SCHIP1: variants seen among roughly 807,000 people sequenced by gnomAD.
The protein encoded by SCHIP1 is schwannomin interacting protein 1.
SCHIP1 carries 8 observed loss-of-function variants against 29.7 expected under a neutral mutation model. That is an observed-to-expected ratio of 0.27 (90% CI 0.16 to 0.49). The LOEUF is 0.49. Among genes scored for constraint, SCHIP1 ranks in the 20% least tolerant of loss-of-function variants. SCHIP1 has a pLI of 0.99. For missense variants in SCHIP1, 193 were observed against 294.6 expected (o/e 0.66, Z 2.52); for synonymous variants, 76 against 94.9 (o/e 0.80, Z 1.16).
At chr3:159,778,641 C>T in the SCHIP1 span, among the ~76,000 whole-genome samples, 1 of 152,214 alleles carries the variant, frequency 6.6e-6, no homozygotes, top group Non-Finnish European at 1.5e-5. Context: ...CCACATTCTA[C>T]ACTGCCCCTC....
At chr3:159,723,664 C>T in the SCHIP1 span, among the ~76,000 whole-genome samples, 1 of 152,158 alleles carries the variant, frequency 6.6e-6, no homozygotes, top group Non-Finnish European at 1.5e-5. Flanking sequence ...CCATATAGTA[C>T]CTGGAAGAAG....
At chr3:159,506,708 A>G in the SCHIP1 span, among the ~76,000 whole-genome samples, 1 of 152,166 alleles carries the variant, frequency 6.6e-6, no homozygotes, top group Non-Finnish European at 1.5e-5. Flanking sequence ...TCCCAGCACC[A>G]TTTGTTGAAT....
intron 1 of SCHIP1, chr3:159,845,512 C>G (rs979079899): frequency 1.3e-5 from 2 of 151,974 alleles, no homozygotes; most frequent in Admixed American, 6.6e-5. Context: ...TCCTGAGTAG[C>G]TGAGATTACA....
At chr3:159,530,514 C>T in the SCHIP1 span, among the ~76,000 whole-genome samples, 1 of 152,166 alleles carries the variant, frequency 6.6e-6, no homozygotes, top group Non-Finnish European at 1.5e-5. Context: ...ATAATTTCTT[C>T]CACTAGCAGC....
At chr3:159,596,036 T>G in the SCHIP1 span, among the ~76,000 whole-genome samples, 1 of 152,122 alleles carries the variant, frequency 6.6e-6, no homozygotes, top group Non-Finnish European at 1.5e-5. Flanking sequence ...TGGGAGAAAT[T>G]TTTTACAATC....
the SCHIP1 span, among the ~76,000 whole-genome samples, chr3:159,635,492 G>T: frequency 2.0e-5 from 3 of 152,158 alleles, no homozygotes; most frequent in Non-Finnish European, 4.4e-5. Context: ...TTCCCATCCT[G>T]CCTGTAATAT....
chr3:159,468,428 A>G, the SCHIP1 span, among the ~76,000 whole-genome samples: 2 of 152,058 alleles, frequency 1.3e-5, no homozygotes, highest in Non-Finnish European at 2.9e-5. Context: ...CCAAAATCCT[A>G]TATGACATGC....
chr3:159,296,106 C>T, the SCHIP1 span, among the ~76,000 whole-genome samples: 7 of 150,028 alleles, frequency 4.7e-5, no homozygotes, highest in African/African-American at 1.2e-4. Context: ...GGAAAACAAC[C>T]GAAATTTGAG....
At chr3:159,698,336 A>G in the SCHIP1 span, among the ~76,000 whole-genome samples, 1 of 152,242 alleles carries the variant, frequency 6.6e-6, no homozygotes, top group African/African-American at 2.4e-5. Context: ...TCCCCTCTTG[A>G]ATAAATTTTT....
the SCHIP1 span, among the ~76,000 whole-genome samples, chr3:159,778,284 C>T: frequency 1.1e-4 from 16 of 152,118 alleles, no homozygotes; most frequent in Admixed American, 7.9e-4. Context: ...TGAGCCACCG[C>T]GCCCGGCTAG....
At chr3:159,680,436 G>A in the SCHIP1 span, among the ~76,000 whole-genome samples, 1 of 145,152 alleles carries the variant, frequency 6.9e-6, no homozygotes, top group Admixed American at 7.4e-5. Flanking sequence ...TTGAACCCGG[G>A]AGGCGGAGGT....
At chr3:159,580,712 G>A in the SCHIP1 span, among the ~76,000 whole-genome samples, 1 of 152,168 alleles carries the variant, frequency 6.6e-6, no homozygotes, top group African/African-American at 2.4e-5. Context: ...TCTGAGACCA[G>A]CAGAATTTGG....
chr3:159,444,863 G>A, the SCHIP1 span, among the ~76,000 whole-genome samples: 699 of 152,270 alleles, frequency 4.6e-3, 1 homozygote, highest in Admixed American at 7.7e-3. Context: ...CAAAGGACAA[G>A]GTTTGGGTCA....
the SCHIP1 span, among the ~76,000 whole-genome samples, chr3:159,473,359 G>A: frequency 1.4e-4 from 21 of 151,976 alleles, no homozygotes; most frequent in African/African-American, 4.6e-4. Flanking sequence ...TAAATGTAAC[G>A]CATGTTTCTT....
the SCHIP1 span, among the ~76,000 whole-genome samples, chr3:159,286,507 T>C: frequency 1.3e-5 from 2 of 152,338 alleles, no homozygotes; most frequent in African/African-American, 4.8e-5. Context: ...GTGTTTTTGC[T>C]GTTGTGAATA....
At chr3:159,775,244 G>A in the SCHIP1 span, among the ~76,000 whole-genome samples, 188 of 152,324 alleles carry the variant, frequency 1.2e-3, 1 homozygote, top group African/African-American at 4.4e-3. Context: ...GTTTTACAAA[G>A]TATTACAAAA....
At chr3:159,471,592 A>G in the SCHIP1 span, among the ~76,000 whole-genome samples, 2 of 152,126 alleles carry the variant, frequency 1.3e-5, no homozygotes, top group Non-Finnish European at 2.9e-5. Flanking sequence ...TTACCATACA[A>G]ATAAAATCCA....
chr3:159,469,163 G>A, the SCHIP1 span, among the ~76,000 whole-genome samples: 1 of 152,068 alleles, frequency 6.6e-6, no homozygotes, highest in Non-Finnish European at 1.5e-5. Flanking sequence ...ACCCCTGGGA[G>A]CTAACATTAT....
chr3:159,345,305 A>C, the SCHIP1 span, among the ~76,000 whole-genome samples: 2 of 152,164 alleles, frequency 1.3e-5, no homozygotes, highest in Non-Finnish European at 2.9e-5. Context: ...CTAGAAAAAA[A>C]AATTTTTAAG....
Sources: allele counts gnomAD v4.1 joint callset (sites outside exome capture counted in the v4.1 genomes callset), GRCh38; gene constraint gnomAD v4.1.1; transcripts MANE v1.5; gene names NCBI Gene and HGNC (gene_info 2026-07-23, HGNC 2026-07-21).